Variants in RASSF8 observed in about 807,000 individuals in gnomAD.
The protein encoded by RASSF8 is ras association domain-containing protein 8.
RASSF8 carries 22 observed loss-of-function variants against 48.5 expected under a neutral mutation model. The ratio of observed to expected loss-of-function variants is 0.45; its 90% CI spans 0.32 to 0.65. The LOEUF (loss-of-function observed/expected upper bound fraction) is 0.65. RASSF8 is among the 30% of genes least tolerant of loss of function. The pLI is 0.03. For missense variants in RASSF8, 418 were observed against 489.2 expected (o/e 0.85, Z 1.37); for synonymous variants, 127 against 171.5 (o/e 0.74, Z 2.03).
At chr12:26,059,963 T>G (rs1193506799) in intron 3 of RASSF8, among the ~76,000 whole-genome samples, 2 of 152,188 alleles carry the variant, frequency 1.3e-5, no homozygotes, top group African/African-American at 2.4e-5. Context: ...AGTGGTGTGA[T>G]CTCCGCTCAC....
chr12:25,970,323 G>A (rs960392397), intron 1 of RASSF8, among the ~76,000 whole-genome samples: 1 of 151,984 alleles, frequency 6.6e-6, no homozygotes, highest in East Asian at 1.9e-4. Context: ...TCAGTTTCTC[G>A]GGATCAGTGT....
chr12:26,034,406 TA>T (rs11344442), intron 2 of RASSF8, among the ~76,000 whole-genome samples: 78,805 of 144,324 alleles, frequency 0.55, 21,337 homozygotes, highest in African/African-American at 0.6. Flanking sequence ...GCAGATGAAG[TA>T]AAAAAAAAAA....
intron 2 of RASSF8, among the ~76,000 whole-genome samples, chr12:26,007,472 G>GTATA (rs1942419940): frequency 1.3e-5 from 2 of 152,184 alleles, no homozygotes; most frequent in South Asian, 2.1e-4. Context: ...TAGTCATGTT[G>GTATA]TATATACTGC....
chr12:25,983,793 A>G (rs1389673635), intron 1 of RASSF8, among the ~76,000 whole-genome samples: 1 of 152,204 alleles, frequency 6.6e-6, no homozygotes, highest in African/African-American at 2.4e-5. Flanking sequence ...CAGGGGTGAT[A>G]CTAAAAATAG....
intron 2 of RASSF8, among the ~76,000 whole-genome samples, chr12:26,028,908 A>G (rs143115175): frequency 1.4e-3 from 217 of 152,274 alleles, no homozygotes; most frequent in African/African-American, 4.8e-3. Context: ...AACCCTGGCT[A>G]ATTTGCTTTT....
chr12:26,071,181 CAGAG>C lies in RASSF8; in HGVS notation c.*2364_*2367del, dbSNP rs1184576406. 25 of 977,472 alleles carry C rather than the reference CAGAG, an allele frequency of 2.6e-5. No individual in the cohort carries two copies. The South Asian group carries it at 5.7e-4, about 22-fold the overall frequency. The allele number at this position is 977,472 out of a possible 1,614,324, so 60.5% of individuals were successfully genotyped here. ...TATCTAAGGAATATTTTCTAAGACT[CAGAG>C]GGAAAAAAACTCGTTTTCATAGGAT... On this transcript the variant is annotated 3_prime_UTR_variant, in exon 6 of 6. Transcript: ENST00000689635.
chr12:26,061,557 A>G (rs1457495310), intron 3 of RASSF8, among the ~76,000 whole-genome samples: 1 of 150,094 alleles, frequency 6.7e-6, no homozygotes, highest in East Asian at 2.0e-4. Flanking sequence ...AATGCCATAG[A>G]TAGACAGACA....
At chr12:26,078,220 C>G (rs969642137) in intron 5 of RASSF8, among the ~76,000 whole-genome samples, 2 of 151,934 alleles carry the variant, frequency 1.3e-5, no homozygotes, top group African/African-American at 4.8e-5. Flanking sequence ...AACAAAGAAG[C>G]AAAAAATTAG....
chr12:26,074,908 T>C (rs2669564), downstream of RASSF8, among the ~76,000 whole-genome samples: 122,574 of 152,040 alleles, frequency 0.81, 49,625 homozygotes, highest in African/African-American at 0.87. Flanking sequence ...GTAAGGAGTT[T>C]GGACTTTATC....
intron 2 of RASSF8, among the ~76,000 whole-genome samples, chr12:26,012,426 G>A (rs962313657): frequency 2.6e-5 from 4 of 152,058 alleles, no homozygotes; most frequent in Non-Finnish European, 5.9e-5. Flanking sequence ...TTGATTGTGT[G>A]AACTGTCATT....
intron 1 of RASSF8, among the ~76,000 whole-genome samples, chr12:25,977,410 T>TA (rs776097221): frequency 5.9e-5 from 9 of 152,198 alleles, no homozygotes; most frequent in Non-Finnish European, 1.0e-4. Flanking sequence ...ATAACCATCT[T>TA]ATTCATTTTT....
intron 2 of RASSF8, among the ~76,000 whole-genome samples, chr12:26,004,169 C>T (rs1036586458): frequency 2.0e-5 from 3 of 152,032 alleles, no homozygotes; most frequent in African/African-American, 7.2e-5. Context: ...AGACTGAGAC[C>T]CTGTCTCAAA....
intron 4 of RASSF8, among the ~76,000 whole-genome samples, chr12:26,067,243 C>T (rs1943896220): frequency 1.3e-5 from 2 of 152,062 alleles, no homozygotes; most frequent in Non-Finnish European, 2.9e-5. Context: ...CTGAGAAACC[C>T]ATTTTTGTTT....
chr12:25,968,277 C>A (rs1941403980), intron 1 of RASSF8, among the ~76,000 whole-genome samples: 1 of 152,184 alleles, frequency 6.6e-6, no homozygotes, highest in African/African-American at 2.4e-5. Context: ...CACTGTTGGG[C>A]TGTCTCCCTC....
chr12:26,061,297 T>G (rs1350017170), intron 3 of RASSF8, among the ~76,000 whole-genome samples: 1 of 152,186 alleles, frequency 6.6e-6, no homozygotes, highest in East Asian at 1.9e-4. Flanking sequence ...TATTCTGCTT[T>G]CTTAAGTGAA....
At chr12:26,019,563 CTG>C (rs56895234) in intron 2 of RASSF8, among the ~76,000 whole-genome samples, 7,988 of 148,164 alleles carry the variant, frequency 0.054, 233 homozygotes, top group Middle Eastern at 0.11. Context: ...CGGGCATACA[CTG>C]TGTGTGTGTG....
At chr12:26,030,198 A>C (rs908278912) in intron 2 of RASSF8, among the ~76,000 whole-genome samples, 3 of 152,132 alleles carry the variant, frequency 2.0e-5, no homozygotes. Context: ...ACACTTAGTG[A>C]TAAAATAATT....
intron 1 of RASSF8, among the ~76,000 whole-genome samples, chr12:25,970,204 C>T (rs911390407): frequency 2.0e-5 from 3 of 151,950 alleles, no homozygotes; most frequent in Non-Finnish European, 2.9e-5. Flanking sequence ...TCACCCGTCA[C>T]CCACCTTCAT....
intron 1 of RASSF8, among the ~76,000 whole-genome samples, chr12:25,991,509 G>C (rs564086769): frequency 6.6e-6 from 1 of 152,058 alleles, no homozygotes; most frequent in African/African-American, 2.4e-5. Flanking sequence ...CTTTAATAAG[G>C]TTGCAACCTA....
Sources: gnomAD v4.1 joint callset for allele counts (sites outside exome capture counted in the v4.1 genomes callset) on GRCh38, gnomAD v4.1.1 for gene constraint, MANE v1.5 for transcripts, NCBI Gene and HGNC (gene_info 2026-07-23, HGNC 2026-07-21) for gene names.